The following BPIFA2 variants were observed in gnomAD, a reference collection of about 807,000 sequenced individuals.
BPIFA2 encodes the protein BPI fold containing family A member 2.
In BPIFA2, 20 loss-of-function variants were observed where a neutral mutation model predicts 25.7. That is an observed-to-expected ratio of 0.78 (90% CI 0.55 to 1.13). The LOEUF is 1.13. BPIFA2 is among the 50% of genes most tolerant of loss of function. The pLI is 0.00. For synonymous variants in BPIFA2, 126 were observed against 124.3 expected (o/e 1.01, Z -0.09); for missense variants, 300 against 298.1 (o/e 1.01, Z -0.05).
At chr20:33,166,398 C>T (rs936266118), upstream of BPIFA2, among the ~76,000 whole-genome samples, 4 of 152,164 alleles carry the variant, frequency 2.6e-5, no homozygotes, top group Non-Finnish European at 5.9e-5. Flanking sequence ...CATCGTAAGC[C>T]GGGACCATAT....
chr20:33,177,627 G>T (rs1984128042), intron 5 of BPIFA2, among the ~76,000 whole-genome samples: 1 of 152,158 alleles, frequency 6.6e-6, no homozygotes, highest in Non-Finnish European at 1.5e-5. Context: ...AATGAGTCCT[G>T]CAGAAAGCAT....
chr20:33,167,397 C>G (rs967070342), upstream of BPIFA2, among the ~76,000 whole-genome samples: 1 of 152,168 alleles, frequency 6.6e-6, no homozygotes, highest in Non-Finnish European at 1.5e-5. Flanking sequence ...AGGGACTCTC[C>G]CTCTCTGCTA....
At chr20:33,177,261 AC>A (rs1984111069) in intron 5 of BPIFA2, among the ~76,000 whole-genome samples, 1 of 152,034 alleles carries the variant, frequency 6.6e-6, no homozygotes, top group Admixed American at 6.6e-5. Flanking sequence ...ACGCTGAGGC[AC>A]AAGCATTGCT....
Position 33,179,733 on chromosome 20 carries a change from A to G in BPIFA2, c.709+66A>G. The G allele has an allele frequency of 4.8e-6, 7 of 1,464,866 alleles. No individual in the cohort carries two copies. In the South Asian group the frequency reaches 6.8e-5, roughly 14 times the overall value. 90.7% of individuals were successfully genotyped at this position (1,464,866 alleles called of 1,614,324 possible). On this transcript the variant is annotated intron_variant, in intron 7 of 8. Transcript: ENST00000354932. ...GGAGCTCTGTGCCCACCCCATAAGC[A>G]GTTCTGGTCAGGGGACCCTGGAGAA...
intron 5 of BPIFA2, 24 bp downstream of exon 5, chr20:33,175,583 A>G: frequency 6.2e-7 from 1 of 1,610,328 alleles, no homozygotes; most frequent in Non-Finnish European, 8.5e-7. Context: ...ATCTTAGTAG[A>G]GCTGGGCTCT....
At chr20:33,172,274 A>G (rs969327874) in intron 2 of BPIFA2, among the ~76,000 whole-genome samples, 1 of 152,156 alleles carries the variant, frequency 6.6e-6, no homozygotes, top group Non-Finnish European at 1.5e-5. Flanking sequence ...GAATTAGGAC[A>G]AATACCTAAT....
At chr20:33,169,377 G>T (rs1983828133) in intron 2 of BPIFA2, 75 bp downstream of exon 2, 1 of 1,449,588 alleles carries the variant, frequency 6.9e-7, no homozygotes. Context: ...ACCAGAGGCT[G>T]CCACCAGGGG....
intron 2 of BPIFA2, among the ~76,000 whole-genome samples, chr20:33,170,537 G>A (rs1983864766): frequency 7.4e-6 from 1 of 134,688 alleles, no homozygotes; most frequent in African/African-American, 3.2e-5. Context: ...GGGACTACAG[G>A]TGCACACCAC....
upstream of BPIFA2, among the ~76,000 whole-genome samples, chr20:33,167,033 T>C (rs1389412064): frequency 6.6e-6 from 1 of 152,202 alleles, no homozygotes; most frequent in Non-Finnish European, 1.5e-5. Context: ...GTCTGGGCTC[T>C]TGGGGCCTGG....
intron 5 of BPIFA2, 23 bp downstream of exon 5, chr20:33,175,582 G>A (rs1984050130): frequency 3.7e-6 from 6 of 1,610,960 alleles, no homozygotes; most frequent in Non-Finnish European, 4.2e-6. Context: ...CATCTTAGTA[G>A]AGCTGGGCTC....
intron 3 of BPIFA2, 38 bp from the exon 4 acceptor site, chr20:33,174,041 A>C (rs765563926): frequency 1.3e-6 from 2 of 1,569,410 alleles, no homozygotes; most frequent in Non-Finnish European, 1.8e-6. Flanking sequence ...AGTGGCTGTC[A>C]TGAGGAGTGA....
At chr20:33,170,613 C>T (rs749692932) in intron 2 of BPIFA2, among the ~76,000 whole-genome samples, 3 of 152,112 alleles carry the variant, frequency 2.0e-5, no homozygotes, top group Admixed American at 6.5e-5. Flanking sequence ...AGGCTGGTCT[C>T]GAACTCCCGG....
At chr20:33,179,828 C>T (rs1010733133) in intron 7 of BPIFA2, among the ~76,000 whole-genome samples, 161 bp downstream of exon 7, 4 of 152,192 alleles carry the variant, frequency 2.6e-5, no homozygotes, top group Non-Finnish European at 5.9e-5. Context: ...CGGGGGCTCC[C>T]TTTGGCTTTT....
At chr20:33,176,602 G>A (rs1984086145) in intron 5 of BPIFA2, among the ~76,000 whole-genome samples, 1 of 152,234 alleles carries the variant, frequency 6.6e-6, no homozygotes, top group African/African-American at 2.4e-5. Flanking sequence ...TTCCCAAGTA[G>A]CCTCAGGGAC....
In BPIFA2 at chr20:33,173,019, A is replaced by T; in HGVS notation, c.245A>T (p.Glu82Val). The T allele has an allele frequency of 6.2e-7, 1 of 1,614,168 alleles. No homozygotes were observed. Among genetic ancestry groups the T allele is most frequent in the Non-Finnish European group, 8.5e-7 (1 of 1,180,028 alleles). The change falls in exon 3 of 9, where the codon GAG becomes GTG. Residue 82 changes from glutamate (E) to valine (V), a missense_variant. Glu to Val is a moderately radical substitution (Grantham distance 121, BLOSUM62 -2). Coordinates refer to ENST00000354932, the MANE Select transcript of BPIFA2 (RefSeq NM_080574.4). ...GCCAAGCAGAAGGCCCAGGAAGCTG[A>T]GAAATTGCTGAACAATGTCATTTCT... is the stretch of plus-strand genomic sequence containing the variant. ...QLAKQKAQEA[E>V]KLLNNVISKL...
intron 6 of BPIFA2, among the ~76,000 whole-genome samples, 187 bp from the exon 7 acceptor site, chr20:33,179,417 G>A (rs1984193601): frequency 6.8e-6 from 1 of 146,918 alleles, no homozygotes; most frequent in South Asian, 2.1e-4. Context: ...GCAAGACAGT[G>A]AGATTCTGTC....
chr20:33,173,221 AC>A, intron 3 of BPIFA2, 145 bp downstream of exon 3: 1 of 940,396 alleles, frequency 1.1e-6, no homozygotes, highest in Non-Finnish European at 1.6e-6. Flanking sequence ...GGCCAGACCC[AC>A]CAGAGCTTGA....
intron 5 of BPIFA2, 32 bp downstream of exon 5, chr20:33,175,591 T>C: frequency 6.2e-7 from 1 of 1,607,222 alleles, no homozygotes; most frequent in Admixed American, 1.7e-5. Context: ...AGAGCTGGGC[T>C]CTCAGGGAAC....
intron 4 of BPIFA2, 119 bp from the exon 5 acceptor site, chr20:33,175,288 G>T: frequency 1.0e-6 from 1 of 987,780 alleles, no homozygotes; most frequent in East Asian, 2.5e-5. Context: ...GATATTACCT[G>T]GGCCATGTTG....
Sources: gnomAD v4.1 joint callset for allele counts (sites outside exome capture counted in the v4.1 genomes callset) on GRCh38, gnomAD v4.1.1 for gene constraint, MANE v1.5 for transcripts, NCBI Gene and HGNC (gene_info 2026-07-23, HGNC 2026-07-21) for gene names.